The following USH2A variants were observed in gnomAD, a reference collection of about 807,000 sequenced individuals.
The protein encoded by USH2A is usherin.
Under a neutral mutation model 538.9 loss-of-function variants are expected in USH2A, and 443 were observed. The ratio of observed to expected loss-of-function variants is 0.82; its 90% CI spans 0.76 to 0.89. The LOEUF is 0.89. USH2A is among the 40% of genes least tolerant of loss of function. The pLI is 0.00. For missense variants in USH2A, 6,633 were observed against 6,324.8 expected (o/e 1.05, Z -1.65); for synonymous variants, 2,413 against 2,273.5 (o/e 1.06, Z -1.75).
chr1:215,696,945 C>CTT, intron 61 of USH2A, among the ~76,000 whole-genome samples: 1 of 148,324 alleles, frequency 6.7e-6, no homozygotes, highest in African/African-American at 2.5e-5. Context: ...ATTACACCCT[C>CTT]TTTTTTTTTT....
intron 64 of USH2A, among the ~76,000 whole-genome samples, chr1:215,666,158 A>C (rs529994650): frequency 6.6e-6 from 1 of 152,322 alleles, no homozygotes; most frequent in South Asian, 2.1e-4. Context: ...TGCTGAAATG[A>C]CTCAAACTAG....
In USH2A at chr1:215,741,400, T is replaced by C. The variant is rs1367518542; in HGVS notation, c.11686A>G (p.Ile3896Val). 2 of 1,614,128 alleles carry C rather than the reference T, an allele frequency of 1.2e-6. No homozygotes were observed. The highest frequency in any genetic ancestry group is 2.2e-5 in the East Asian group (1 of 44,860). ...KWMPPEKPNG[I>V]IINYFIYRRP... ...CTGTAAATAAAGTAGTTGATGATGA[T>C]TCCATTTGGTTTTTCAGGTGGCATC... Residue 3896 changes from isoleucine to valine, a missense_variant, in exon 60 of 72, where the codon ATC (isoleucine) becomes GTC (valine). Coordinates refer to ENST00000307340, the MANE Select transcript of USH2A (RefSeq NM_206933.4).
rs113790888 is a variant in USH2A at position 216,187,234 on chromosome 1, C to G, written c.4396+2989G>C. Among the ~76,000 whole-genome samples, 646 of 151,968 alleles carry G rather than the reference C, an allele frequency of 4.3e-3. 3 individuals are homozygous for G. Among genetic ancestry groups the G allele is most frequent in the Middle Eastern group, 0.014 (4 of 294 alleles). ...CATTTTTTTCACCTTTCTCACAGCCCTTAGCACATGTCGCCATGGTGTTAA... is the reference window on the plus strand; with the variant it reads ...CATTTTTTTCACCTTTCTCACAGCCGTTAGCACATGTCGCCATGGTGTTAA... On this transcript the variant is annotated intron_variant, in intron 20 of 71. Transcript: ENST00000307340.
intron 64 of USH2A, among the ~76,000 whole-genome samples, chr1:215,653,078 A>G (rs182946172): frequency 3.9e-5 from 6 of 152,312 alleles, no homozygotes; most frequent in African/African-American, 1.4e-4. Flanking sequence ...CTGGCTTATG[A>G]ACATTAACTT....
Position 215,625,439 on chromosome 1 carries a change from A to T in USH2A, c.*342T>A, listed in dbSNP as rs1053537448. ...GCCAGTAACTAACTTACTACTTCTA[A>T]CAACTGTGAGCCATCTTGAAATTGC... On this transcript the variant is annotated 3_prime_UTR_variant, in exon 72 of 72. Coordinates refer to ENST00000307340, the MANE Select transcript of USH2A (RefSeq NM_206933.4). 2 of 350,814 alleles carry T rather than the reference A, an allele frequency of 5.7e-6. No individual in the cohort carries two copies. The highest frequency in any genetic ancestry group is 5.4e-5 in the South Asian group (2 of 37,358). The allele number at this position is 350,814 out of a possible 1,614,324, so 21.7% of individuals were successfully genotyped here.
At chr1:215,977,047 A>G (rs1354391865) in intron 35 of USH2A, among the ~76,000 whole-genome samples, 1 of 151,502 alleles carries the variant, frequency 6.6e-6, no homozygotes, top group Non-Finnish European at 1.5e-5. Context: ...AAACAACAAC[A>G]ACAAACAAGC....
At chr1:215,713,122 C>CT (rs1218287694) in intron 61 of USH2A, among the ~76,000 whole-genome samples, 1 of 152,142 alleles carries the variant, frequency 6.6e-6, no homozygotes, top group Non-Finnish European at 1.5e-5. Context: ...AAAACTTTTC[C>CT]TTTTTTTGAA....
At chr1:216,146,181 C>A (rs1234412545) in intron 21 of USH2A, among the ~76,000 whole-genome samples, 2 of 152,212 alleles carry the variant, frequency 1.3e-5, no homozygotes, top group African/African-American at 4.8e-5. Context: ...CAAGAAACAT[C>A]TCACCAATTT....
intron 21 of USH2A, among the ~76,000 whole-genome samples, chr1:216,153,587 A>G (rs1429761408): frequency 6.6e-6 from 1 of 152,230 alleles, no homozygotes; most frequent in African/African-American, 2.4e-5. Flanking sequence ...GAAGCAATTG[A>G]CAGACACCAC....
At chr1:216,145,315 C>T (rs1201448252) in intron 21 of USH2A, among the ~76,000 whole-genome samples, 2 of 152,136 alleles carry the variant, frequency 1.3e-5, no homozygotes, top group Non-Finnish European at 2.9e-5. Flanking sequence ...GGCCAAGGTA[C>T]AAAGGAGGTA....
At chr1:216,181,652 G>A (rs1291033644) in intron 20 of USH2A, among the ~76,000 whole-genome samples, 1 of 152,076 alleles carries the variant, frequency 6.6e-6, no homozygotes, top group African/African-American at 2.4e-5. Flanking sequence ...CAGCAATGAT[G>A]ACAGCAACCA....
intron 25 of USH2A, among the ~76,000 whole-genome samples, chr1:216,084,352 C>T (rs954628946): frequency 1.3e-5 from 2 of 152,080 alleles, no homozygotes; most frequent in African/African-American, 4.8e-5. Context: ...GTAAACAAAA[C>T]TCTTTGAAAC....
chr1:216,418,450 AAGAG>A, intron 3 of USH2A, 60 bp downstream of exon 3: 5 of 1,588,508 alleles, frequency 3.1e-6, no homozygotes, highest in East Asian at 2.2e-5. Context: ...TGCCATTTAA[AAGAG>A]AGAAAGGAAG....
intron 58 of USH2A, among the ~76,000 whole-genome samples, chr1:215,756,372 T>G (rs981064081): frequency 3.9e-5 from 6 of 152,220 alleles, no homozygotes; most frequent in Non-Finnish European, 7.3e-5. Flanking sequence ...ACTGATATGT[T>G]AAATAATGTT....
At chr1:215,660,610 A>T (rs570798671) in intron 64 of USH2A, among the ~76,000 whole-genome samples, 1 of 152,216 alleles carries the variant, frequency 6.6e-6, no homozygotes, top group East Asian at 1.9e-4. Context: ...TTGCTCTACA[A>T]TGAAATTTGT....
chr1:216,106,214 TAATA>T (rs1338046262), intron 21 of USH2A, among the ~76,000 whole-genome samples: 11 of 147,556 alleles, frequency 7.5e-5, no homozygotes, highest in African/African-American at 2.7e-4. Flanking sequence ...TAAGTATATA[TAATA>T]AATATATATT....
intron 67 of USH2A, among the ~76,000 whole-genome samples, chr1:215,645,475 GTACACAGTT>G (rs1284116317): frequency 6.6e-6 from 1 of 152,188 alleles, no homozygotes; most frequent in African/African-American, 2.4e-5. Flanking sequence ...TGGAATCGCA[GTACACAGTT>G]TATAGTTCTG....
intron 21 of USH2A, among the ~76,000 whole-genome samples, chr1:216,150,100 G>A (rs1443917112): frequency 1.3e-5 from 2 of 151,870 alleles, no homozygotes; most frequent in African/African-American, 2.4e-5. Context: ...CACCACTTAG[G>A]CCGAGCCCCA....
intron 70 of USH2A, among the ~76,000 whole-genome samples, chr1:215,630,461 T>G (rs1656226691): frequency 7.9e-6 from 1 of 126,492 alleles, no homozygotes; most frequent in Non-Finnish European, 1.6e-5. Context: ...TGTGAATATA[T>G]ATGTATGTGT....
Sources: allele counts gnomAD v4.1 joint callset (sites outside exome capture counted in the v4.1 genomes callset), GRCh38; gene constraint gnomAD v4.1.1; transcripts MANE v1.5; gene names NCBI Gene and HGNC (gene_info 2026-07-23, HGNC 2026-07-21).